TIMP2: variants seen among roughly 807,000 people sequenced by gnomAD.
The protein encoded by TIMP2 is metalloproteinase inhibitor 2.
Under a neutral mutation model 24.3 loss-of-function variants are expected in TIMP2, and 5 were observed. The ratio of observed to expected loss-of-function variants is 0.21; its 90% CI spans 0.11 to 0.43. TIMP2 has a LOEUF of 0.43. TIMP2 is among the 20% of genes least tolerant of loss of function. TIMP2 has a pLI of 1.00. For synonymous variants in TIMP2, 130 were observed against 123.2 expected, an observed-to-expected ratio of 1.06 and a Z score of -0.37; for missense variants, 221 against 297.5, an observed-to-expected ratio of 0.74 and a Z score of 1.89.
At chr17:78,904,595 C>G (rs1189643986) in intron 1 of TIMP2, 1 of 152,224 alleles carries the variant, frequency 6.6e-6, no homozygotes, top group Non-Finnish European at 1.5e-5. Context: ...ACCCCCCTAC[C>G]CCCGCCCACT....
chr17:78,898,103 C>A (rs1341874250), intron 1 of TIMP2: 1 of 152,186 alleles, frequency 6.6e-6, no homozygotes, highest in Non-Finnish European at 1.5e-5. Context: ...CCAGCTTACA[C>A]GGAGGAGCTG....
intron 1 of TIMP2, among the ~76,000 whole-genome samples, chr17:78,887,784 T>C (rs565726511): frequency 9.9e-4 from 151 of 151,794 alleles, no homozygotes; most frequent in African/African-American, 3.5e-3. Flanking sequence ...AAACGGGATC[T>C]TTCCCACACC....
intron 1 of TIMP2, among the ~76,000 whole-genome samples, chr17:78,895,754 A>G (rs887829508): frequency 2.0e-5 from 3 of 152,170 alleles, no homozygotes; most frequent in African/African-American, 4.8e-5. Flanking sequence ...GAACGGCCAC[A>G]GGGATGTCCA....
intron 1 of TIMP2, among the ~76,000 whole-genome samples, chr17:78,880,309 C>T (rs1023326650): frequency 2.0e-5 from 3 of 152,196 alleles, no homozygotes; most frequent in African/African-American, 7.2e-5. Context: ...CCTCCTGTGT[C>T]CACAGAAGTA....
chr17:78,892,380 G>A, intron 1 of TIMP2: 6 of 1,550,642 alleles, frequency 3.9e-6, no homozygotes, highest in Non-Finnish European at 5.2e-6. Context: ...CAGGGAAGGT[G>A]CTTGGAGCCA....
At chr17:78,885,112 T>C (rs993871496) in intron 1 of TIMP2, among the ~76,000 whole-genome samples, 1 of 152,188 alleles carries the variant, frequency 6.6e-6, no homozygotes, top group African/African-American at 2.4e-5. Flanking sequence ...CGTCCAAGCC[T>C]CACGGACCAA....
chr17:78,897,860 G>A lies in TIMP2; in HGVS notation c.131-23941C>T, dbSNP rs576740024. On this transcript the variant is annotated intron_variant, in intron 1 of 4. Coordinates refer to ENST00000262768, the MANE Select transcript of TIMP2 (RefSeq NM_003255.5). ...AGGGTGACTGTGAAAGGAGCCAGCG[G>A]GGCTGCTGTGTCGGTTTTCCTGGAG... 1.1e-3 allele frequency: 172 copies of A among 152,350 alleles called. 1 individual carries two copies. The highest frequency in any genetic ancestry group is 4.0e-3 in the African/African-American group (165 of 41,572). 9.4% of individuals were successfully genotyped at this position (152,350 alleles called of 1,614,324 possible).
Position 78,891,357 on chromosome 17 carries a change from G to A in TIMP2, c.131-17438C>T, listed in dbSNP as rs936739263. The A allele has an allele frequency of 3.9e-5, 61 of 1,550,516 alleles. No individual in the cohort carries two copies. In the East Asian group the frequency reaches 4.9e-4, roughly 12 times the overall value. On this transcript the variant is annotated intron_variant, in intron 1 of 4. Coordinates refer to ENST00000262768, the MANE Select transcript of TIMP2 (RefSeq NM_003255.5). This position sits in a 1 kb window ranked among gnomAD's most constrained non-coding sequence, Gnocchi z 4.5. ...CTTGGGGTCCCAGCGCCACACTCTT[G>A]CATCTCTGAGAAGGCATGCCCTTCC...
intron 1 of TIMP2, among the ~76,000 whole-genome samples, chr17:78,889,829 G>C (rs2069862519): frequency 6.6e-6 from 1 of 152,192 alleles, no homozygotes; most frequent in South Asian, 2.1e-4. Flanking sequence ...CGTTTTAAAG[G>C]CAAGACTAGG....
In TIMP2 at chr17:78,891,602, A is replaced by G. The variant is rs762557126; in HGVS notation, c.131-17683T>C. The G allele has an allele frequency of 6.4e-6, 10 of 1,550,782 alleles. No individual in the cohort carries two copies. Among genetic ancestry groups the G allele is most frequent in the Non-Finnish European group, 8.7e-6 (10 of 1,147,076 alleles). ...CCCGAGGTCTCTCAGCTTCCCCTCCAGACTCTGTCCCTGAGAGCGACTGGT... is the reference window on the plus strand; with the variant it reads ...CCCGAGGTCTCTCAGCTTCCCCTCCGGACTCTGTCCCTGAGAGCGACTGGT... On this transcript the variant is annotated intron_variant, in intron 1 of 4. Coordinates refer to ENST00000262768, the MANE Select transcript of TIMP2 (RefSeq NM_003255.5). This position sits in a 1 kb window ranked among gnomAD's most constrained non-coding sequence, Gnocchi z 4.5.
intron 1 of TIMP2, chr17:78,901,777 G>A (rs1227709344): frequency 1.4e-6 from 1 of 717,268 alleles, no homozygotes; most frequent in African/African-American, 1.7e-5. Flanking sequence ...AAGAGGGGTG[G>A]TACTTACTGT....
At chr17:78,922,594 G>A (rs1025167197) in intron 1 of TIMP2, among the ~76,000 whole-genome samples, 2 of 152,136 alleles carry the variant, frequency 1.3e-5, no homozygotes, top group Admixed American at 6.5e-5. Context: ...GAGGCAGGCG[G>A]ATCACCTGAG....
intron 1 of TIMP2, among the ~76,000 whole-genome samples, chr17:78,908,404 C>G (rs73397221): frequency 0.016 from 2,390 of 152,320 alleles, 69 homozygotes; most frequent in African/African-American, 0.055. Flanking sequence ...AAATGCCCTT[C>G]CATGCCTCTA....
At chr17:78,918,576 G>A (rs1364471368) in intron 1 of TIMP2, among the ~76,000 whole-genome samples, 1 of 152,164 alleles carries the variant, frequency 6.6e-6, no homozygotes, top group Admixed American at 6.5e-5. Flanking sequence ...CAATCTCAGG[G>A]CAGCTCATCT....
At chr17:78,870,666 G>A (rs528997094) in intron 3 of TIMP2, among the ~76,000 whole-genome samples, 13 of 152,188 alleles carry the variant, frequency 8.5e-5, no homozygotes, top group South Asian at 4.1e-4. Context: ...AGGCAAAAAT[G>A]CTCCCTTTTT....
chr17:78,889,406 G>A (rs898374042), intron 1 of TIMP2, among the ~76,000 whole-genome samples: 6 of 152,196 alleles, frequency 3.9e-5, no homozygotes, highest in Non-Finnish European at 4.4e-5. Context: ...TCTCTTTTCC[G>A]TCTACTCTCT....
intron 3 of TIMP2, among the ~76,000 whole-genome samples, chr17:78,862,417 C>T (rs1041300401): frequency 1.3e-5 from 2 of 152,224 alleles, no homozygotes; most frequent in Non-Finnish European, 2.9e-5. Context: ...AGAGGTTCCT[C>T]TCGCCATGAG....
In TIMP2 at chr17:78,857,661, G is replaced by T. The variant is rs753536969; in HGVS notation, c.341-15C>A. On this transcript the variant is annotated splice_polypyrimidine_tract_variant and intron_variant, in intron 3 of 4. Transcript: ENST00000262768. ...CTCGGCCTTTCCTGCGGAGAGACGG[G>T]GATCACCGAGCTCAGGGAGAGGGAA... The T allele has an allele frequency of 3.7e-6, 6 of 1,613,886 alleles. No homozygotes were observed. The highest frequency in any genetic ancestry group is 5.1e-6 in the Non-Finnish European group (6 of 1,179,984).
intron 1 of TIMP2, among the ~76,000 whole-genome samples, chr17:78,919,706 G>A (rs2070294099): frequency 6.6e-6 from 1 of 152,150 alleles, no homozygotes; most frequent in Admixed American, 6.5e-5. Flanking sequence ...ATGGTGGCGG[G>A]CACCTGTAGT....
Sources: allele counts gnomAD v4.1 joint callset (sites outside exome capture counted in the v4.1 genomes callset), GRCh38; gene constraint gnomAD v4.1.1; non-coding constraint Gnocchi (gnomAD v3.1); transcripts MANE v1.5; gene names NCBI Gene and HGNC (gene_info 2026-07-23, HGNC 2026-07-21).